NXN: variants seen among roughly 807,000 people sequenced by gnomAD.
NXN encodes nucleoredoxin.
NXN carries 16 observed loss-of-function variants against 48.6 expected under a neutral mutation model. The observed-to-expected ratio is 0.33, with a 90% confidence interval of 0.22 to 0.50. NXN has a LOEUF of 0.50. Ranked by LOEUF, NXN falls within the 20% of genes least tolerant of loss-of-function variation. NXN has a pLI of 0.98. For missense variants in NXN, 492 were observed against 605.5 expected (o/e 0.81, Z 1.97); for synonymous variants, 281 against 269.6 (o/e 1.04, Z -0.41).
chr17:924,308 C>T (rs1379299665), intron 1 of NXN, among the ~76,000 whole-genome samples: 1 of 152,220 alleles, frequency 6.6e-6, no homozygotes, highest in Admixed American at 6.5e-5. Flanking sequence ...GCGATCTCGG[C>T]TCACTGCAAC....
chr17:879,534 G>A (rs954672089), intron 1 of NXN, among the ~76,000 whole-genome samples: 13 of 151,770 alleles, frequency 8.6e-5, no homozygotes, highest in Non-Finnish European at 1.6e-4. Flanking sequence ...TGATCCACCC[G>A]CCTCGGCCTC....
intron 1 of NXN, among the ~76,000 whole-genome samples, chr17:922,419 G>C (rs932476875): frequency 1.3e-5 from 2 of 151,826 alleles, no homozygotes; most frequent in African/African-American, 4.8e-5. Flanking sequence ...ACTCCAGCCT[G>C]GGCAACAAGA....
chr17:937,784 G>A (rs149738763), intron 1 of NXN, among the ~76,000 whole-genome samples: 2 of 152,358 alleles, frequency 1.3e-5, no homozygotes, highest in South Asian at 2.1e-4. Flanking sequence ...GAATTCACGG[G>A]GCGTTCGATG....
chr17:939,551 G>A (rs2068946595), intron 1 of NXN, among the ~76,000 whole-genome samples: 1 of 152,058 alleles, frequency 6.6e-6, no homozygotes, highest in Admixed American at 6.6e-5. Flanking sequence ...TCACCATGTT[G>A]GCCAGGCTGG....
rs545625346 is a variant in NXN at position 947,508 on chromosome 17, G to GGATCACTTGAGGC, written c.360+31798_360+31810dup. 1.2e-3 allele frequency among the ~76,000 whole-genome samples: 183 copies of GGATCACTTGAGGC among 151,632 alleles called. 2 individuals carry two copies. Among genetic ancestry groups the GGATCACTTGAGGC allele is most frequent in the African/African-American group, 4.1e-3 (170 of 41,312 alleles). ...AGCAATGCAGGAGGCCGAGGTGGGCGGATCACTTGAGGCCAGGAGTTCGAG... is the reference window on the plus strand; with the variant it reads ...AGCAATGCAGGAGGCCGAGGTGGGCGGATCACTTGAGGCGATCACTTGAGGCCAGGAGTTCGAG... On this transcript the variant is annotated intron_variant, in intron 1 of 7. Transcript: ENST00000336868.
In NXN at chr17:932,971, C is replaced by A. The variant is rs2068870402; in HGVS notation, c.360+46348G>T. ...CCCAGCCCGTCCTCTTGAACCTGCT[C>A]AGTTTCAGTCGTCATGACCACTTGT... On this transcript the variant is annotated intron_variant, in intron 1 of 7. Transcript: ENST00000336868. The surrounding 1 kb of genome is among the most constrained non-coding windows in gnomAD (Gnocchi z 4.1). Among the ~76,000 whole-genome samples the A allele has an allele frequency of 6.6e-6, 1 of 152,156 alleles. No homozygotes were observed. The highest frequency in any genetic ancestry group is 1.5e-5 in the Non-Finnish European group (1 of 68,032).
At chr17:934,625 G>C (rs571586779) in intron 1 of NXN, among the ~76,000 whole-genome samples, 2 of 152,132 alleles carry the variant, frequency 1.3e-5, no homozygotes, top group East Asian at 3.9e-4. Context: ...TGTAATCCCA[G>C]CACTTTGGGA....
At chr17:935,998 A>G (rs1245821682) in intron 1 of NXN, among the ~76,000 whole-genome samples, 1 of 150,260 alleles carries the variant, frequency 6.7e-6, no homozygotes, top group Non-Finnish European at 1.5e-5. Flanking sequence ...AGGCTGAGGC[A>G]GGAGAATCGC....
In NXN at chr17:924,455, T is replaced by C. The variant is rs372176118; in HGVS notation, c.360+54864A>G. 1.4e-4 allele frequency among the ~76,000 whole-genome samples: 22 copies of C among 152,358 alleles called. No individual in the cohort carries two copies. The East Asian group carries it at 2.1e-3, about 15-fold the overall frequency. ...TTTCACCATGTTGGCCAGGCTGCTC[T>C]TGAACTCCCAACCTCAGGTGATCCG... is the stretch of plus-strand genomic sequence containing the variant. On this transcript the variant is annotated intron_variant, in intron 1 of 7. Coordinates refer to ENST00000336868, the MANE Select transcript of NXN (RefSeq NM_022463.5).
At chr17:962,214 ATATTTGTACACTT>A (rs1393199405) in intron 1 of NXN, among the ~76,000 whole-genome samples, 4 of 152,178 alleles carry the variant, frequency 2.6e-5, no homozygotes, top group Admixed American at 2.6e-4. Flanking sequence ...TTTTGACATC[ATATTTGTACACTT>A]TTCTCAAAGC....
rs892516987 is a variant in NXN, at chr17:888,479, C to A, written c.361-62401G>T. 2.0e-5 allele frequency among the ~76,000 whole-genome samples: 3 copies of A among 152,144 alleles called. No individual in the cohort carries two copies. In the East Asian group the frequency reaches 5.8e-4, roughly 29 times the overall value. ...TAAAGGATCTGGCCACCTTGGCCCC[C>A]CAAAGTCCTGGGATGACAGGCATGA... On this transcript the variant is annotated intron_variant, in intron 1 of 7. Transcript: ENST00000336868.
intron 1 of NXN, among the ~76,000 whole-genome samples, chr17:937,941 G>A (rs1171580097): frequency 1.3e-5 from 2 of 152,212 alleles, no homozygotes; most frequent in African/African-American, 2.4e-5. Context: ...TGCGCCCAGC[G>A]GAAAGGCCAC....
intron 5 of NXN, among the ~76,000 whole-genome samples, chr17:812,897 T>A (rs923296415): frequency 2.1e-5 from 3 of 139,646 alleles, no homozygotes; most frequent in Non-Finnish European, 3.0e-5. Flanking sequence ...TGAATGTAGG[T>A]GTGTGCATGT....
chr17:868,743 C>A lies in NXN; in HGVS notation c.361-42665G>T, dbSNP rs189825254. ...TCCTGACCTCGTGATCCGCCCGCCT[C>A]GGCCTCCCAAAGTGCTGGGATGACA... On this transcript the variant is annotated intron_variant, in intron 1 of 7. Coordinates refer to ENST00000336868, the MANE Select transcript of NXN (RefSeq NM_022463.5). Among the ~76,000 whole-genome samples the A allele has an allele frequency of 5.3e-5, 8 of 152,306 alleles. No homozygotes were observed. The East Asian group carries it at 1.5e-3, about 29-fold the overall frequency.
At chr17:922,664 G>T (rs1234590615) in intron 1 of NXN, among the ~76,000 whole-genome samples, 5 of 151,554 alleles carry the variant, frequency 3.3e-5, no homozygotes, top group African/African-American at 1.2e-4. Flanking sequence ...TCTTTGTTTT[G>T]TTTTTGAGAC....
Position 958,273 on chromosome 17 carries a change from G to A in NXN, c.360+21046C>T, listed in dbSNP as rs949388234. On this transcript the variant is annotated intron_variant, in intron 1 of 7. Coordinates refer to ENST00000336868, the MANE Select transcript of NXN (RefSeq NM_022463.5). The surrounding 1 kb of genome is among the most constrained non-coding windows in gnomAD (Gnocchi z 6.9). Reference sequence around the variant, plus strand: ...CCGGTGCCTCTGCCCAACAAGACATGACGGTGAGCAAGGTTACTCATCTTC... The same window carrying A: ...CCGGTGCCTCTGCCCAACAAGACATAACGGTGAGCAAGGTTACTCATCTTC... Among the ~76,000 whole-genome samples, 1 of 152,190 alleles carries A rather than the reference G, an allele frequency of 6.6e-6. No individual in the cohort carries two copies. Among genetic ancestry groups the A allele is most frequent in the Non-Finnish European group, 1.5e-5 (1 of 68,030 alleles).
At chr17:853,872 C>T (rs1022932247) in intron 1 of NXN, among the ~76,000 whole-genome samples, 3 of 151,644 alleles carry the variant, frequency 2.0e-5, no homozygotes, top group Admixed American at 6.6e-5. Context: ...TACAGGCACC[C>T]GCCACCACAC....
rs117727527 is a variant in NXN, at chr17:933,097, G to A, written c.360+46222C>T. ...GAAGGCAAGATCATTCTGGGGCCAC[G>A]AGGACCGAGAAACGACACAACCAAC... On this transcript the variant is annotated intron_variant, in intron 1 of 7. Coordinates refer to ENST00000336868, the MANE Select transcript of NXN (RefSeq NM_022463.5). Among the ~76,000 whole-genome samples, 773 of 152,254 alleles carry A rather than the reference G, an allele frequency of 5.1e-3. 8 individuals carry two copies. Among genetic ancestry groups the A allele is most frequent in the East Asian group, 0.034 (174 of 5,166 alleles).
chr17:919,097 G>A lies in NXN; in HGVS notation c.360+60222C>T, dbSNP rs1384376226. 6.6e-6 allele frequency among the ~76,000 whole-genome samples: 1 copy of A among 151,982 alleles called. No individual in the cohort carries two copies. The highest frequency in any genetic ancestry group is 1.5e-5 in the Non-Finnish European group (1 of 68,012). The stretch of plus-strand genomic sequence containing the variant: ...AAAAAAAATGTTTCAGCCAGGCTCG[G>A]TGGCTCACACCTGTAATCCCAGCAC... On this transcript the variant is annotated intron_variant, in intron 1 of 7. Transcript: ENST00000336868. This position sits in a 1 kb window ranked among gnomAD's most constrained non-coding sequence, Gnocchi z 5.1.
Sources: gnomAD v4.1 joint callset for allele counts (sites outside exome capture counted in the v4.1 genomes callset) on GRCh38, gnomAD v4.1.1 for gene constraint, Gnocchi (gnomAD v3.1) non-coding constraint, MANE v1.5 for transcripts, NCBI Gene and HGNC (gene_info 2026-07-23, HGNC 2026-07-21) for gene names.